Variants in GRID1 observed in about 807,000 individuals in gnomAD.
GRID1 encodes glutamate ionotropic receptor delta type subunit 1, also known as glutamate receptor ionotropic, delta-1.
In GRID1, 28 loss-of-function variants were observed where a neutral mutation model predicts 98.0. The observed-to-expected ratio is 0.29, with a 90% CI of 0.21 to 0.39. The LOEUF is 0.39. Among genes scored for constraint, GRID1 ranks in the 10% least tolerant of loss-of-function variants. The pLI, the probability that GRID1 is intolerant of heterozygous loss-of-function variation, is 1.00. For missense variants in GRID1, 1,111 were observed against 1,340.5 expected, an observed-to-expected ratio of 0.83 and a Z score of 2.67; for synonymous variants, 553 against 538.5, an observed-to-expected ratio of 1.03 and a Z score of -0.37.
At chr10:86,151,223 C>T (rs537550464) in intron 3 of GRID1, among the ~76,000 whole-genome samples, 26 of 152,060 alleles carry the variant, frequency 1.7e-4, no homozygotes, top group Non-Finnish European at 3.7e-4. Flanking sequence ...GTTTGCAAAC[C>T]CCATCATGTT....
Position 86,195,228 on chromosome 10 carries a change from C to T in GRID1, c.520+11136G>A, listed in dbSNP as rs1418873146. Among the ~76,000 whole-genome samples, 1 of 152,034 alleles carries T rather than the reference C, an allele frequency of 6.6e-6. No individual in the cohort carries two copies. Among genetic ancestry groups the T allele is most frequent in the African/African-American group, 2.4e-5 (1 of 41,430 alleles). On this transcript the variant is annotated intron_variant, in intron 3 of 15. Transcript: ENST00000327946. This position sits in a 1 kb window ranked among gnomAD's most constrained non-coding sequence, Gnocchi z 4.4. ...TGTGCTTGACTGAGAAACAGCCAAGCAAAACCCACTTCTACATTTGCTGTA... is the reference window on the plus strand; with the variant it reads ...TGTGCTTGACTGAGAAACAGCCAAGTAAAACCCACTTCTACATTTGCTGTA...
chr10:86,152,451 C>T (rs1845182321), intron 3 of GRID1, among the ~76,000 whole-genome samples: 1 of 152,274 alleles, frequency 6.6e-6, no homozygotes, highest in South Asian at 2.1e-4. Context: ...GCAACGGAGA[C>T]ACTGCACTGG....
At chr10:85,926,360 T>C (rs1227168472) in intron 4 of GRID1, among the ~76,000 whole-genome samples, 2 of 152,146 alleles carry the variant, frequency 1.3e-5, no homozygotes, top group Non-Finnish European at 2.9e-5. Context: ...AGAGAGGATA[T>C]TGCAAATTCA....
At chr10:85,758,294 CT>C (rs1246708805) in intron 8 of GRID1, among the ~76,000 whole-genome samples, 1 of 152,188 alleles carries the variant, frequency 6.6e-6, no homozygotes, top group East Asian at 1.9e-4. Flanking sequence ...TTTGCTCACT[CT>C]TTTGCAGTTT....
chr10:85,954,454 A>G (rs1842164157), intron 4 of GRID1, among the ~76,000 whole-genome samples: 1 of 152,180 alleles, frequency 6.6e-6, no homozygotes, highest in African/African-American at 2.4e-5. Context: ...ATGAAAGCCT[A>G]AGTCACAAAT....
At chr10:86,085,613 C>A (rs1844041458) in intron 4 of GRID1, among the ~76,000 whole-genome samples, 1 of 152,140 alleles carries the variant, frequency 6.6e-6, no homozygotes, top group African/African-American at 2.4e-5. Context: ...AGTCTTCTCA[C>A]AGAATGAAAT....
intron 3 of GRID1, among the ~76,000 whole-genome samples, chr10:86,175,173 G>A (rs1010040841): frequency 6.6e-5 from 10 of 152,136 alleles, no homozygotes; most frequent in African/African-American, 2.4e-4. Context: ...AAGTATATGT[G>A]TTTAGATATA....
intron 2 of GRID1, among the ~76,000 whole-genome samples, chr10:86,268,411 T>C (rs1037158740): frequency 1.3e-4 from 20 of 152,198 alleles, no homozygotes; most frequent in Admixed American, 1.1e-3. Context: ...GCAGGGAGCA[T>C]AGCCCAGGAC....
intron 4 of GRID1, among the ~76,000 whole-genome samples, chr10:86,075,823 G>T (rs1380558120): frequency 3.3e-5 from 5 of 152,208 alleles, no homozygotes; most frequent in Non-Finnish European, 5.9e-5. Flanking sequence ...GGAATGTAAG[G>T]AAACTTCAGA....
At chr10:86,154,425 G>A (rs1302728606) in intron 3 of GRID1, among the ~76,000 whole-genome samples, 2 of 152,132 alleles carry the variant, frequency 1.3e-5, no homozygotes, top group Non-Finnish European at 2.9e-5. Flanking sequence ...GTCCAGCTCT[G>A]CCACCTCCAG....
At chr10:86,098,431 A>G (rs1470355331) in intron 4 of GRID1, among the ~76,000 whole-genome samples, 2 of 152,206 alleles carry the variant, frequency 1.3e-5, no homozygotes, top group Admixed American at 1.3e-4. Context: ...GGATACTGTC[A>G]TTGCCTTAAC....
chr10:85,917,522 A>G (rs1202619123), intron 4 of GRID1, among the ~76,000 whole-genome samples: 2 of 152,368 alleles, frequency 1.3e-5, no homozygotes, highest in East Asian at 3.9e-4. Flanking sequence ...ACCATGAAAT[A>G]CATATCCAGT....
At chr10:85,923,657 T>C (rs898823343) in intron 4 of GRID1, among the ~76,000 whole-genome samples, 1 of 152,124 alleles carries the variant, frequency 6.6e-6, no homozygotes, top group African/African-American at 2.4e-5. Context: ...GATGAAGTGA[T>C]TTTCCCAAAG....
At chr10:86,313,187 C>T (rs1156681520) in intron 2 of GRID1, among the ~76,000 whole-genome samples, 1 of 152,226 alleles carries the variant, frequency 6.6e-6, no homozygotes, top group Non-Finnish European at 1.5e-5. Context: ...GAAGCTGGAA[C>T]TTGGCAAGCT....
intron 12 of GRID1, among the ~76,000 whole-genome samples, chr10:85,717,320 C>CAA (rs112453811): frequency 6.1e-5 from 8 of 132,054 alleles, no homozygotes; most frequent in African/African-American, 8.3e-5. Context: ...AAACTGGGAA[C>CAA]AAAAAAAAAA....
intron 8 of GRID1, among the ~76,000 whole-genome samples, chr10:85,825,175 T>G (rs781320778): frequency 6.6e-6 from 1 of 152,244 alleles, no homozygotes; most frequent in Non-Finnish European, 1.5e-5. Flanking sequence ...TGTGTTTCCT[T>G]TTCACCACAT....
intron 2 of GRID1, among the ~76,000 whole-genome samples, chr10:86,223,330 CAGA>C (rs1249662718): frequency 6.6e-6 from 1 of 152,198 alleles, no homozygotes; most frequent in Non-Finnish European, 1.5e-5. Context: ...AGATGACAGG[CAGA>C]AGGACACAGC....
At chr10:86,091,889 A>G (rs903093323) in intron 4 of GRID1, among the ~76,000 whole-genome samples, 4 of 152,196 alleles carry the variant, frequency 2.6e-5, no homozygotes, top group Non-Finnish European at 5.9e-5. Flanking sequence ...ACAGACAGCA[A>G]TCACTGTAGT....
chr10:86,352,880 A>AG (rs1380930267), intron 2 of GRID1, among the ~76,000 whole-genome samples: 1 of 152,094 alleles, frequency 6.6e-6, no homozygotes, highest in Non-Finnish European at 1.5e-5. Context: ...TCATCCCACT[A>AG]GCATGATGCT....
Sources: allele counts gnomAD v4.1 joint callset (sites outside exome capture counted in the v4.1 genomes callset), GRCh38; gene constraint gnomAD v4.1.1; non-coding constraint Gnocchi (gnomAD v3.1); transcripts MANE v1.5; gene names NCBI Gene and HGNC (gene_info 2026-07-23, HGNC 2026-07-21).